BOC: variants seen among roughly 807,000 people sequenced by gnomAD.
BOC encodes the protein BOC cell adhesion associated, oncogene regulated.
In BOC, 76 loss-of-function variants were observed where a neutral mutation model predicts 112.0. The observed-to-expected ratio is 0.68, with a 90% CI of 0.56 to 0.82. The LOEUF (loss-of-function observed/expected upper bound fraction) is 0.82, where lower values mean the gene tolerates loss of function less well. BOC is among the 40% of genes least tolerant of loss of function. BOC has a pLI of 0.00. For synonymous variants in BOC, 580 were observed against 599.8 expected, an observed-to-expected ratio of 0.97 and a Z score of 0.48; for missense variants, 1,309 against 1,511.7, an observed-to-expected ratio of 0.87 and a Z score of 2.22.
chr3:113,274,432 C>A lies in BOC; in HGVS notation c.1292C>A (p.Ser431Ter). 6.3e-7 allele frequency: 1 copy of A among 1,596,414 alleles called. No individual in the cohort carries two copies. ...CTGGCTACTGGCACACCTCCTGTAT[C>A]ACCCTCCAAACTCGGCAACCCTGAG... Reference protein sequence around the residue: ...AELATGTPPVSPSKLGNPEQM... With the variant: ...AELATGTPPV Residue 431 changes from serine (S) to a stop codon, truncating the protein, a stop_gained, in exon 9 of 20, where the codon TCA becomes TAA. Coordinates refer to ENST00000682979, the MANE Select transcript of BOC (RefSeq NM_001378074.1). LOFTEE classifies it high-confidence loss of function. This position sits in a 1 kb window ranked among gnomAD's most constrained non-coding sequence, Gnocchi z 4.8.
chr3:113,260,368 A>G (rs1224305995), intron 4 of BOC, among the ~76,000 whole-genome samples: 4 of 152,258 alleles, frequency 2.6e-5, no homozygotes, highest in South Asian at 2.1e-4. Flanking sequence ...ATACAAATGG[A>G]TTCAAGAAAG....
intron 4 of BOC, among the ~76,000 whole-genome samples, chr3:113,262,752 G>C (rs1264152176): frequency 6.6e-6 from 1 of 152,184 alleles, no homozygotes; most frequent in Non-Finnish European, 1.5e-5. Flanking sequence ...ATAACCTTGG[G>C]GTCATGCCAA....
At chr3:113,273,042 T>A in intron 7 of BOC, 27 bp from the exon 8 acceptor site, 1 of 1,580,466 alleles carries the variant, frequency 6.3e-7, no homozygotes, top group Non-Finnish European at 8.6e-7. Flanking sequence ...ACACAGCCCT[T>A]CTCACCCTGC....
chr3:113,230,191 A>G (rs1385627785), intron 2 of BOC, among the ~76,000 whole-genome samples: 1 of 152,176 alleles, frequency 6.6e-6, no homozygotes, highest in Non-Finnish European at 1.5e-5. Flanking sequence ...AAGCGCTGCT[A>G]CCAATCTTTG....
chr3:113,277,338 TGAAGGGTCA>T (rs59480834), intron 9 of BOC, among the ~76,000 whole-genome samples: 2,011 of 152,274 alleles, frequency 0.013, 45 homozygotes, highest in African/African-American at 0.046. Context: ...AATGCAGAGC[TGAAGGGTCA>T]GAGAGTTAGG....
At chr3:113,245,386 C>T (rs1390226840) in intron 2 of BOC, among the ~76,000 whole-genome samples, 1 of 152,102 alleles carries the variant, frequency 6.6e-6, no homozygotes, top group Admixed American at 6.6e-5. Flanking sequence ...CTCAGTAAAC[C>T]TTTCTTTCTT....
intron 2 of BOC, among the ~76,000 whole-genome samples, chr3:113,233,969 G>A (rs1354984466): frequency 5.3e-5 from 8 of 152,120 alleles, no homozygotes; most frequent in East Asian, 1.9e-4. Flanking sequence ...CTTTGCAGCC[G>A]GAGTCCCACC....
rs572576257 is a variant in BOC, at chr3:113,230,209, T to C, written c.-82+13935T>C. Among the ~76,000 whole-genome samples, 5 of 152,274 alleles carry C rather than the reference T, an allele frequency of 3.3e-5. No individual in the cohort carries two copies. The South Asian group carries it at 1.0e-3, about 32-fold the overall frequency. ...CGCTGCTACCAATCTTTGGGCTGTA[T>C]TTCAATACTCAGACACTCAGGACCG... On this transcript the variant is annotated intron_variant, in intron 2 of 19. Coordinates refer to ENST00000682979, the MANE Select transcript of BOC (RefSeq NM_001378074.1).
At chr3:113,244,866 T>A (rs1480040287) in intron 2 of BOC, among the ~76,000 whole-genome samples, 2 of 152,228 alleles carry the variant, frequency 1.3e-5, no homozygotes, top group Admixed American at 6.5e-5. Context: ...AAATTGGCTT[T>A]GAAACCGTTT....
chr3:113,276,717 A>G (rs1172022531), intron 9 of BOC, among the ~76,000 whole-genome samples: 4 of 152,182 alleles, frequency 2.6e-5, no homozygotes, highest in Non-Finnish European at 5.9e-5. Context: ...ACCCTGGGCT[A>G]CTGTGTTTGG....
intron 9 of BOC, among the ~76,000 whole-genome samples, chr3:113,275,650 C>G (rs1489432712): frequency 6.6e-6 from 1 of 152,130 alleles, no homozygotes; most frequent in Non-Finnish European, 1.5e-5. Flanking sequence ...TATAAAAATG[C>G]TATGTGCACT....
intron 2 of BOC, among the ~76,000 whole-genome samples, chr3:113,225,282 A>C (rs1350135905): frequency 6.9e-5 from 10 of 145,938 alleles, no homozygotes; most frequent in African/African-American, 1.5e-4. Flanking sequence ...AAAAAAAAAA[A>C]CAACAAAAAA....
chr3:113,244,491 GT>G (rs1944666959), intron 2 of BOC, among the ~76,000 whole-genome samples: 1 of 152,134 alleles, frequency 6.6e-6, no homozygotes, highest in Non-Finnish European at 1.5e-5. Context: ...CTGGGTAGAT[GT>G]TCCAGATATT....
intron 2 of BOC, among the ~76,000 whole-genome samples, chr3:113,224,529 A>C (rs1459479514): frequency 6.6e-6 from 1 of 150,660 alleles, no homozygotes; most frequent in Non-Finnish European, 1.5e-5. Context: ...ACTCTGGACC[A>C]CATTTAAGAG....
intron 5 of BOC, among the ~76,000 whole-genome samples, chr3:113,268,705 CAA>C (rs1553741290): frequency 6.6e-6 from 1 of 152,212 alleles, no homozygotes; most frequent in Non-Finnish European, 1.5e-5. Context: ...CACCAAGGCT[CAA>C]GAGATCCTCC....
intron 2 of BOC, among the ~76,000 whole-genome samples, chr3:113,240,890 C>G (rs909763849): frequency 4.6e-5 from 7 of 152,184 alleles, no homozygotes; most frequent in African/African-American, 1.7e-4. Flanking sequence ...ACAAGGCCCA[C>G]CCTACTGGAC....
chr3:113,217,545 G>C (rs1939677228), intron 2 of BOC, among the ~76,000 whole-genome samples: 1 of 151,822 alleles, frequency 6.6e-6, no homozygotes, highest in Non-Finnish European at 1.5e-5. Flanking sequence ...AAAAGAAAGA[G>C]AGATGGGAGA....
chr3:113,243,014 A>T (rs998381031), intron 2 of BOC, among the ~76,000 whole-genome samples: 1 of 152,206 alleles, frequency 6.6e-6, no homozygotes, highest in African/African-American at 2.4e-5. Context: ...TGAGGTTGTC[A>T]TGTGTCACAA....
In BOC at chr3:113,278,823, T is replaced by C; in HGVS notation, c.1816+40T>C. Reference sequence around the variant, plus strand: ...GCAGGGACGGACGCGCAGTCAGGACTGGAACTGCCTCAGAGGCCTGTTCCC... The same window carrying C: ...GCAGGGACGGACGCGCAGTCAGGACCGGAACTGCCTCAGAGGCCTGTTCCC... On this transcript the variant is annotated intron_variant, in intron 11 of 19. Transcript: ENST00000682979. The surrounding 1 kb of genome is among the most constrained non-coding windows in gnomAD (Gnocchi z 4.2). 6.6e-7 allele frequency: 1 copy of C among 1,524,138 alleles called. No homozygotes were observed. Among genetic ancestry groups the C allele is most frequent in the Non-Finnish European group, 8.9e-7 (1 of 1,123,006 alleles). 94.4% of individuals were successfully genotyped at this position (1,524,138 alleles called of 1,614,324 possible). A position where few individuals can be genotyped will look rare whatever the true frequency, so the allele number is the denominator to read the frequency against.
Sources: allele counts gnomAD v4.1 joint callset (sites outside exome capture counted in the v4.1 genomes callset), GRCh38; gene constraint gnomAD v4.1.1; non-coding constraint Gnocchi (gnomAD v3.1); transcripts MANE v1.5; gene names NCBI Gene and HGNC (gene_info 2026-07-23, HGNC 2026-07-21).